Variants in TRPC5 observed in about 807,000 individuals in gnomAD.
The protein encoded by TRPC5 is short transient receptor potential channel 5.
TRPC5 carries 9 observed loss-of-function variants against 56.5 expected under a neutral mutation model. The ratio of observed to expected loss-of-function variants is 0.16; its 90% CI spans 0.10 to 0.28. The LOEUF (loss-of-function observed/expected upper bound fraction) is 0.28. Ranked by LOEUF, TRPC5 falls within the 10% of genes least tolerant of loss-of-function variation. The pLI, the probability that TRPC5 is intolerant of heterozygous loss-of-function variation, is 1.00. For synonymous variants in TRPC5, 282 were observed against 278.5 expected, an observed-to-expected ratio of 1.01 and a Z score of -0.13; for missense variants, 469 against 748.9, an observed-to-expected ratio of 0.63 and a Z score of 4.36.
At chrX:112,046,008 G>A (rs751024161) in intron 1 of TRPC5, among the ~76,000 whole-genome samples, 6 of 110,742 alleles carry the variant, frequency 5.4e-5, no homozygotes, top group Non-Finnish European at 1.9e-5. Context: ...TTGAGGAGGA[G>A]TTACTGGCAC....
At chrX:111,992,511 T>C (rs971038776) in intron 1 of TRPC5, among the ~76,000 whole-genome samples, 2 of 111,292 alleles carry the variant, frequency 1.8e-5, no homozygotes, top group Non-Finnish European at 3.8e-5. Context: ...TGTCACTTAC[T>C]AGCTGAATTT....
chrX:111,796,565 G>A (rs1471780763), intron 7 of TRPC5, among the ~76,000 whole-genome samples: 2 of 112,091 alleles, frequency 1.8e-5, no homozygotes, highest in African/African-American at 6.5e-5. Flanking sequence ...AGCCATTGAA[G>A]TCTATTTTCA....
At chrX:111,974,950 A>G (rs766214298) in intron 1 of TRPC5, among the ~76,000 whole-genome samples, 1 of 111,642 alleles carries the variant, frequency 9.0e-6, no homozygotes, top group South Asian at 3.8e-4. Context: ...TTAAAAGGAA[A>G]ATATCGGGAA....
At chrX:112,008,839 ATAATCT>A (rs1173476235) in intron 1 of TRPC5, among the ~76,000 whole-genome samples, 1 of 111,717 alleles carries the variant, frequency 9.0e-6, no homozygotes, top group Admixed American at 9.5e-5. Context: ...AAGATTAATC[ATAATCT>A]TAATCATATT....
chrX:111,978,586 G>A (rs897452001), intron 1 of TRPC5, among the ~76,000 whole-genome samples: 10 of 111,559 alleles, frequency 9.0e-5, no homozygotes, highest in Non-Finnish European at 1.9e-4. Context: ...CAAAAAAATT[G>A]TTGGTGAATT....
intron 1 of TRPC5, among the ~76,000 whole-genome samples, chrX:112,038,078 A>G (rs940519274): frequency 9.0e-6 from 1 of 111,502 alleles, no homozygotes; most frequent in Non-Finnish European, 1.9e-5. Context: ...TGCAAAAGGG[A>G]GTATGAGATG....
chrX:111,855,477 T>A (rs1047565473), intron 3 of TRPC5, among the ~76,000 whole-genome samples: 2 of 112,205 alleles, frequency 1.8e-5, no homozygotes, highest in Non-Finnish European at 3.8e-5. Context: ...AGAACTAGCC[T>A]GCTGAATAAG....
intron 3 of TRPC5, among the ~76,000 whole-genome samples, chrX:111,864,408 T>C (rs1292882462): frequency 8.9e-6 from 1 of 112,702 alleles, no homozygotes; most frequent in Non-Finnish European, 1.9e-5. Flanking sequence ...CTGTTGCTGA[T>C]TTTTTTAAAC....
At chrX:111,995,346 A>T (rs185922167) in intron 1 of TRPC5, among the ~76,000 whole-genome samples, 1 of 111,733 alleles carries the variant, frequency 8.9e-6, no homozygotes, top group Admixed American at 9.5e-5. Flanking sequence ...GCTTTTTGAT[A>T]TGCTGCTGGA....
At chrX:111,781,298 G>A (rs1945917913) in intron 8 of TRPC5, 92 bp from the exon 9 acceptor site, 5 of 807,654 alleles carry the variant, frequency 6.2e-6, no homozygotes, top group Non-Finnish European at 1.8e-6. Flanking sequence ...CTATATATTA[G>A]GACTAGAGAA....
In TRPC5 at chrX:111,852,415, C is replaced by G; in HGVS notation, c.1260G>C (p.Lys420Asn). The change falls in exon 5 of 11, where the codon AAG (lysine) becomes AAC (asparagine). Residue 420 changes from lysine (K) to asparagine (N), a missense_variant. Transcript: ENST00000262839. ...WVLGFIWGEI[K>N]EMWDGGFTEY... ...CAGTAAATCCACCATCCCACATTTC[C>G]TTAATCTCACCCCAAATGAAACCTG... 2 of 1,208,854 alleles carry G rather than the reference C, an allele frequency of 1.7e-6. No individual in the cohort carries two copies. Among genetic ancestry groups the G allele is most frequent in the Non-Finnish European group, 2.2e-6 (2 of 894,290 alleles).
intron 1 of TRPC5, among the ~76,000 whole-genome samples, chrX:112,041,030 C>T (rs1485982975): frequency 8.9e-6 from 1 of 112,052 alleles, no homozygotes; most frequent in African/African-American, 3.2e-5. Flanking sequence ...AGTTACCCCA[C>T]CTGAGAGGTG....
At chrX:111,944,303 T>TGTGAGAAA (rs1173179815) in intron 2 of TRPC5, among the ~76,000 whole-genome samples, 1 of 61,393 alleles carries the variant, frequency 1.6e-5, no homozygotes, top group African/African-American at 1.1e-4. Flanking sequence ...TGTGTGTGTG[T>TGTGAGAAA]GAGAGAGAGA....
At chrX:111,985,722 A>G (rs1044917223) in intron 1 of TRPC5, among the ~76,000 whole-genome samples, 44 of 112,077 alleles carry the variant, frequency 3.9e-4, no homozygotes, top group African/African-American at 1.4e-3. Context: ...GTAAGAATTT[A>G]GTAGGCTTCC....
chrX:111,905,880 A>G (rs1265058940), intron 3 of TRPC5, among the ~76,000 whole-genome samples: 5 of 99,785 alleles, frequency 5.0e-5, no homozygotes, highest in East Asian at 3.1e-4. Flanking sequence ...GTGCCACTGC[A>G]CTCCAGCCTG....
Position 111,834,455 on chromosome X carries a change from C to T in TRPC5, c.1896+466G>A, listed in dbSNP as rs190588448. Among the ~76,000 whole-genome samples the T allele has an allele frequency of 6.7e-4, 74 of 110,842 alleles. No individual in the cohort carries two copies. In the South Asian group the frequency reaches 9.3e-3, roughly 14 times the overall value. On this transcript the variant is annotated intron_variant, in intron 7 of 10. Transcript: ENST00000262839. The stretch of plus-strand genomic sequence containing the variant: ...TTTAAAATAGGAAAAAACGTAGCCC[C>T]CTCCCCTCTCTGTCTCTCTCTCAGA...
At chrX:111,888,807 A>C (rs772697024) in intron 3 of TRPC5, among the ~76,000 whole-genome samples, 3 of 110,048 alleles carry the variant, frequency 2.7e-5, no homozygotes, top group Non-Finnish European at 3.8e-5. Context: ...GGTGAGATGT[A>C]GATGATAGTG....
chrX:111,905,288 C>G (rs772385975), intron 3 of TRPC5, among the ~76,000 whole-genome samples: 1 of 111,008 alleles, frequency 9.0e-6, no homozygotes, highest in Admixed American at 9.6e-5. Flanking sequence ...CCTACTCCCT[C>G]CAGCCCATAT....
intron 6 of TRPC5, among the ~76,000 whole-genome samples, chrX:111,846,376 A>G (rs1183153612): frequency 9.0e-6 from 1 of 111,426 alleles, no homozygotes; most frequent in Non-Finnish European, 1.9e-5. Context: ...TCTCTTGTCT[A>G]TTTCCCCTGG....
Sources: allele counts gnomAD v4.1 joint callset (sites outside exome capture counted in the v4.1 genomes callset), GRCh38; gene constraint gnomAD v4.1.1; transcripts MANE v1.5; gene names NCBI Gene and HGNC (gene_info 2026-07-23, HGNC 2026-07-21).